Variants in GALK2 observed in about 807,000 individuals in gnomAD.
The protein encoded by GALK2 is galactokinase 2, also known as N-acetylgalactosamine kinase.
GALK2 carries 36 observed loss-of-function variants against 52.4 expected under a neutral mutation model. That is an observed-to-expected ratio of 0.69 (90% CI 0.53 to 0.91). The LOEUF (loss-of-function observed/expected upper bound fraction) is 0.91. Ranked by LOEUF, GALK2 falls within the 40% of genes least tolerant of loss-of-function variation. The probability of loss-of-function intolerance (pLI) is 0.00; values close to 1 mark genes in which losing one functional copy is unlikely to be tolerated. For synonymous variants in GALK2, 176 were observed against 199.1 expected, an observed-to-expected ratio of 0.88 and a Z score of 0.98; for missense variants, 579 against 559.1, an observed-to-expected ratio of 1.04 and a Z score of -0.36.
At chr15:49,292,693 C>A (rs1033819324) in intron 8 of GALK2, among the ~76,000 whole-genome samples, 156 bp downstream of exon 8, 4 of 152,260 alleles carry the variant, frequency 2.6e-5, no homozygotes, top group East Asian at 1.9e-4. Context: ...TAAATGTATT[C>A]ATTCATTCTT....
At chr15:49,228,688 T>TATATATATATATATATATATACATATA in intron 3 of GALK2, among the ~76,000 whole-genome samples, 1 of 10,452 alleles carries the variant, frequency 9.6e-5, no homozygotes, top group South Asian at 6.3e-3. Context: ...TATATATATA[T>TATATATATATATATATATATACATATA]TTTTTTTTTT....
intron 3 of GALK2, among the ~76,000 whole-genome samples, chr15:49,364,920 A>G (rs889358686): frequency 1.3e-5 from 2 of 152,102 alleles, no homozygotes. Flanking sequence ...ATATCCTTTT[A>G]TTTAATGTGA....
intron 7 of GALK2, among the ~76,000 whole-genome samples, chr15:49,286,917 C>T (rs1006239751): frequency 1.3e-5 from 2 of 152,172 alleles, no homozygotes; most frequent in African/African-American, 4.8e-5. Context: ...TAGATATCCT[C>T]TACCAGATCC....
intron 5 of GALK2, among the ~76,000 whole-genome samples, chr15:49,252,014 C>G (rs1413088008): frequency 2.6e-5 from 4 of 151,948 alleles, no homozygotes. Context: ...GCCTGTAATC[C>G]CAGCACTTTG....
intron 8 of GALK2, among the ~76,000 whole-genome samples, chr15:49,303,018 T>A (rs930017912): frequency 6.6e-6 from 1 of 152,216 alleles, no homozygotes; most frequent in Non-Finnish European, 1.5e-5. Flanking sequence ...GAAAATTTGC[T>A]TTCATTAGTC....
intron 3 of GALK2, among the ~76,000 whole-genome samples, chr15:49,341,707 A>G (rs895566062): frequency 1.1e-4 from 16 of 152,120 alleles, no homozygotes; most frequent in Non-Finnish European, 1.5e-4. Context: ...TTGTCTTAAC[A>G]TGGTTTTTGC....
At chr15:49,236,765 C>G (rs993427199) in intron 4 of GALK2, among the ~76,000 whole-genome samples, 1 of 152,160 alleles carries the variant, frequency 6.6e-6, no homozygotes, top group Non-Finnish European at 1.5e-5. Context: ...CAAACTGACC[C>G]ATGTTTTAGA....
At chr15:49,248,282 T>A (rs1317308484) in intron 5 of GALK2, among the ~76,000 whole-genome samples, 1 of 152,244 alleles carries the variant, frequency 6.6e-6, no homozygotes, top group Non-Finnish European at 1.5e-5. Flanking sequence ...GAAACCAATT[T>A]GCACTGTCAC....
chr15:49,155,982 G>C (rs1302254375), exon 1 of GALK2: 2 of 1,613,950 alleles, frequency 1.2e-6, no homozygotes, highest in Non-Finnish European at 1.7e-6. Context: ...AGCCTTTCGC[G>C]GAGAAAAGGC....
chr15:49,298,656 A>T (rs1422802729), intron 8 of GALK2, among the ~76,000 whole-genome samples: 1 of 152,036 alleles, frequency 6.6e-6, no homozygotes, highest in African/African-American at 2.4e-5. Context: ...CTTTATTTCT[A>T]TTGAGATGAT....
intron 3 of GALK2, among the ~76,000 whole-genome samples, chr15:49,217,552 CA>C (rs1284527650): frequency 6.6e-6 from 1 of 152,202 alleles, no homozygotes; most frequent in Admixed American, 6.5e-5. Flanking sequence ...CCAGGTGATA[CA>C]AAGATAAATA....
chr15:49,160,783 G>A (rs2084626800), intron 1 of GALK2, among the ~76,000 whole-genome samples: 1 of 151,952 alleles, frequency 6.6e-6, no homozygotes, highest in East Asian at 1.9e-4. Context: ...CAGGAGAATC[G>A]CTTGAACCGG....
At chr15:49,205,322 C>T (rs2088187589) in intron 2 of GALK2, among the ~76,000 whole-genome samples, 1 of 152,188 alleles carries the variant, frequency 6.6e-6, no homozygotes, top group African/African-American at 2.4e-5. Flanking sequence ...TCCATAGCAG[C>T]TGTACTACTT....
chr15:49,354,330 G>A lies in GALK2; in HGVS notation c.427-13161G>A, dbSNP rs573488869. 2.6e-5 allele frequency among the ~76,000 whole-genome samples: 4 copies of A among 152,326 alleles called. No homozygotes were observed. The East Asian group carries it at 7.7e-4, about 29-fold the overall frequency. On this transcript the variant is annotated intron_variant, in intron 3 of 3. Transcript: ENST00000558399. ...GGGTGATTTCTGCATTTCCATCTGA[G>A]GTACCGGGTTCATCTCACTAGGGAG... is the stretch of plus-strand genomic sequence containing the variant.
intron 1 of GALK2, among the ~76,000 whole-genome samples, chr15:49,188,313 T>C (rs753399049): frequency 6.6e-6 from 1 of 152,226 alleles, no homozygotes; most frequent in African/African-American, 2.4e-5. Context: ...GCTGCTGGGA[T>C]GGGCAATTTC....
chr15:49,365,819 G>A (rs919402578), intron 3 of GALK2: 11 of 868,634 alleles, frequency 1.3e-5, no homozygotes, highest in Middle Eastern at 3.4e-4. Flanking sequence ...AGAAACATAA[G>A]TCTCACTTCC....
chr15:49,325,685 GA>G (rs1458449144), intron 9 of GALK2, among the ~76,000 whole-genome samples: 8 of 152,228 alleles, frequency 5.3e-5, no homozygotes, highest in African/African-American at 1.9e-4. Context: ...CTTGGGGGCA[GA>G]AGGCTATTTC....
chr15:49,339,464 G>A (rs2040331526), intron 3 of GALK2, among the ~76,000 whole-genome samples: 1 of 152,218 alleles, frequency 6.6e-6, no homozygotes, highest in Non-Finnish European at 1.5e-5. Context: ...CTGCACAACA[G>A]TAAAGATTGC....
chr15:49,351,957 CTG>C (rs2042319487), intron 3 of GALK2, among the ~76,000 whole-genome samples: 2 of 152,156 alleles, frequency 1.3e-5, no homozygotes, highest in African/African-American at 4.8e-5. Context: ...ATTATTACCT[CTG>C]TAGTTCTAGG....
Sources: allele counts gnomAD v4.1 joint callset (sites outside exome capture counted in the v4.1 genomes callset), GRCh38; gene constraint gnomAD v4.1.1; transcripts MANE v1.5; gene names NCBI Gene and HGNC (gene_info 2026-07-23, HGNC 2026-07-21).